The following DAB1 variants were observed in gnomAD, a reference collection of about 807,000 sequenced individuals.
DAB1 encodes DAB adaptor protein 1.
DAB1 carries 15 observed loss-of-function variants against 64.6 expected under a neutral mutation model. The ratio of observed to expected loss-of-function variants is 0.23; its 90% CI spans 0.16 to 0.36. DAB1 has a LOEUF of 0.36. DAB1 is among the 10% of genes least tolerant of loss of function. The probability of loss-of-function intolerance (pLI) is 1.00; values close to 1 mark genes in which losing one functional copy is unlikely to be tolerated. For synonymous variants in DAB1, 235 were observed against 251.9 expected (o/e 0.93, Z 0.64); for missense variants, 596 against 706.7 (o/e 0.84, Z 1.78).
chr1:57,187,825 G>A (rs749245661), intron 2 of DAB1, among the ~76,000 whole-genome samples: 22 of 151,998 alleles, frequency 1.4e-4, no homozygotes, highest in Admixed American at 1.0e-3. Flanking sequence ...CGCTGATTGA[G>A]TCACTGAAAG....
chr1:57,377,596 C>T (rs1425130617), intron 1 of DAB1, among the ~76,000 whole-genome samples: 1 of 152,176 alleles, frequency 6.6e-6, no homozygotes, highest in Non-Finnish European at 1.5e-5. Flanking sequence ...ACAAATTAGG[C>T]AATGCAGAGG....
chr1:57,217,330 T>G (rs1666502805), intron 2 of DAB1, among the ~76,000 whole-genome samples: 1 of 152,168 alleles, frequency 6.6e-6, no homozygotes, highest in African/African-American at 2.4e-5. Flanking sequence ...AGTCTGGTCT[T>G]TTCTATTGCT....
In DAB1 at chr1:57,486,983, C is replaced by G. The variant is rs75115299; in HGVS notation, n.625+162609G>C. Among the ~76,000 whole-genome samples, 1,198 of 151,212 alleles carry G rather than the reference C, an allele frequency of 7.9e-3. 49 individuals carry two copies. In the East Asian group the frequency reaches 0.14, roughly 18 times the overall value. ...TAAAAAAAAAAAGAAAAAAAAACAA[C>G]GACCTCGGCATATAAATGTCAGGAA... On this transcript the variant is annotated intron_variant and non_coding_transcript_variant, in intron 7 of 20. Coordinates refer to the DAB1 transcript ENST00000485760.
At chr1:58,397,702 C>G (rs1322694859) in intron 3 of DAB1, among the ~76,000 whole-genome samples, 3 of 152,168 alleles carry the variant, frequency 2.0e-5, no homozygotes, top group African/African-American at 7.2e-5. Flanking sequence ...GAATTTCCAG[C>G]CAGTCATCCC....
Position 58,064,182 on chromosome 1 carries a change from G to T in DAB1, n.387+86329C>A, listed in dbSNP as rs111450951. ...AGAAAGAACCACGGGGCCTCGTAGCGCACATAATTTGCAAGCTGATGTACA... is the reference window on the plus strand; with the variant it reads ...AGAAAGAACCACGGGGCCTCGTAGCTCACATAATTTGCAAGCTGATGTACA... On this transcript the variant is annotated intron_variant and non_coding_transcript_variant, in intron 5 of 20. Coordinates refer to the DAB1 transcript ENST00000485760. Among the ~76,000 whole-genome samples the T allele has an allele frequency of 8.5e-4, 129 of 152,240 alleles. 1 individual carries two copies. The highest frequency in any genetic ancestry group is 1.4e-3 in the Non-Finnish European group (98 of 68,032).
chr1:58,029,014 A>T (rs1460397420), intron 5 of DAB1, among the ~76,000 whole-genome samples: 1 of 152,192 alleles, frequency 6.6e-6, no homozygotes, highest in Non-Finnish European at 1.5e-5. Context: ...CAAATTAAGC[A>T]TCTTGAAGGT....
At chr1:57,926,943 C>G (rs1224115013) in intron 5 of DAB1, among the ~76,000 whole-genome samples, 1 of 152,168 alleles carries the variant, frequency 6.6e-6, no homozygotes. Context: ...TCTAAATCCC[C>G]TATAAGACAT....
At chr1:58,202,213 TG>T (rs1455983110) in intron 4 of DAB1, among the ~76,000 whole-genome samples, 1 of 152,270 alleles carries the variant, frequency 6.6e-6, no homozygotes, top group African/African-American at 2.4e-5. Flanking sequence ...CAGTCAGAGT[TG>T]TTACTTAATC....
chr1:57,612,231 G>C (rs534244561), intron 7 of DAB1, among the ~76,000 whole-genome samples: 1 of 138,814 alleles, frequency 7.2e-6, no homozygotes, highest in East Asian at 2.1e-4. Context: ...ATGTGTGTGC[G>C]TGTGTGTGTG....
intron 5 of DAB1, among the ~76,000 whole-genome samples, chr1:58,026,542 C>T (rs1570245174): frequency 2.0e-5 from 3 of 152,220 alleles, no homozygotes; most frequent in South Asian, 4.1e-4. Context: ...GTTATTGGTG[C>T]TCCCTTATTA....
intron 4 of DAB1, among the ~76,000 whole-genome samples, chr1:58,296,457 C>G (rs1399940690): frequency 6.6e-6 from 1 of 152,136 alleles, no homozygotes; most frequent in Non-Finnish European, 1.5e-5. Flanking sequence ...GTGGTTGGGG[C>G]AGGAGAGAGT....
At chr1:57,586,849 C>A (rs760215461) in intron 7 of DAB1, among the ~76,000 whole-genome samples, 5 of 151,324 alleles carry the variant, frequency 3.3e-5, no homozygotes, top group Non-Finnish European at 5.9e-5. Flanking sequence ...ATGGCTGGGG[C>A]CATTTCTGTA....
intron 1 of DAB1, among the ~76,000 whole-genome samples, chr1:57,353,676 G>A (rs148739032): frequency 9.9e-5 from 15 of 152,212 alleles, no homozygotes; most frequent in African/African-American, 3.6e-4. Context: ...AGGTCATACT[G>A]AGTTATTCAC....
intron 4 of DAB1, among the ~76,000 whole-genome samples, chr1:58,290,872 G>A (rs1383014919): frequency 6.6e-6 from 1 of 152,158 alleles, no homozygotes; most frequent in Non-Finnish European, 1.5e-5. Context: ...CAGTACCATG[G>A]AGAGGTGCCG....
At chr1:57,586,829 A>T (rs1645386944) in intron 7 of DAB1, among the ~76,000 whole-genome samples, 1 of 151,960 alleles carries the variant, frequency 6.6e-6, no homozygotes, top group Non-Finnish European at 1.5e-5. Context: ...AAAAAGTAAA[A>T]GAAAGAAAGA....
At chr1:57,546,096 T>TGC (rs1286167521) in intron 7 of DAB1, among the ~76,000 whole-genome samples, 344 of 121,674 alleles carry the variant, frequency 2.8e-3, no homozygotes, top group Non-Finnish European at 4.0e-3. Context: ...TGTGTGTGTG[T>TGC]GTGCGCGCAC....
At chr1:57,715,768 TG>T (rs1647076833) in intron 6 of DAB1, among the ~76,000 whole-genome samples, 1 of 151,912 alleles carries the variant, frequency 6.6e-6, no homozygotes, top group Non-Finnish European at 1.5e-5. Context: ...TATAAAATCA[TG>T]AAAAAAAATT....
At chr1:57,674,293 T>G (rs1646540930) in intron 6 of DAB1, among the ~76,000 whole-genome samples, 2 of 152,156 alleles carry the variant, frequency 1.3e-5, no homozygotes. Context: ...GAAGAGATAT[T>G]GTGAGATATT....
chr1:57,363,533 T>C (rs140931687), intron 1 of DAB1, among the ~76,000 whole-genome samples: 2 of 152,198 alleles, frequency 1.3e-5, no homozygotes, highest in African/African-American at 2.4e-5. Context: ...ATGGTGATAA[T>C]AATAGTTCTC....
Sources: allele counts gnomAD v4.1 joint callset (sites outside exome capture counted in the v4.1 genomes callset), GRCh38; gene constraint gnomAD v4.1.1; transcripts MANE v1.5; gene names NCBI Gene and HGNC (gene_info 2026-07-23, HGNC 2026-07-21).